Variants in VWA3A observed in about 807,000 individuals in gnomAD.
VWA3A encodes the protein von Willebrand factor A domain-containing protein 3A.
Under a neutral mutation model 160.4 loss-of-function variants are expected in VWA3A, and 134 were observed. That is an observed-to-expected ratio of 0.84 (90% CI 0.73 to 0.96). VWA3A has a LOEUF of 0.96. VWA3A is among the 40% of genes least tolerant of loss of function. The probability of loss-of-function intolerance (pLI) is 0.00; values close to 1 mark genes in which losing one functional copy is unlikely to be tolerated. For missense variants in VWA3A, 1,310 were observed against 1,447.9 expected (o/e 0.90, Z 1.55); for synonymous variants, 476 against 543.4 (o/e 0.88, Z 1.72).
At chr16:22,129,670 T>C (rs2045915105) in intron 17 of VWA3A, among the ~76,000 whole-genome samples, 1 of 152,070 alleles carries the variant, frequency 6.6e-6, no homozygotes, top group African/African-American at 2.4e-5. Flanking sequence ...ATTTTGATTC[T>C]ATGAATGAAA....
intron 21 of VWA3A, 60 bp downstream of exon 21, chr16:22,134,498 C>T (rs1392566031): frequency 7.1e-7 from 1 of 1,401,850 alleles, no homozygotes; most frequent in Non-Finnish European, 9.7e-7. Context: ...CCTGGGGCTA[C>T]CATAACTGCC....
chr16:22,152,530 A>G lies in VWA3A; in HGVS notation c.3301A>G (p.Arg1101Gly), dbSNP rs1454703444. ...TTCCAGAGCGGCGGTTGAGTTCCTG[A>G]GAAAGCTGGCTTCCTTCACCGGCGG... ...CSDRAAVEFL[R>G]KLASFTGGRY... Residue 1101 changes from arginine (R) to glycine (G), a missense_variant, in exon 31 of 34, where the codon AGA (arginine) becomes GGA (glycine). By Grantham distance (125) the Arg-to-Gly change is moderately radical (BLOSUM62 -2). Coordinates refer to ENST00000389398, the MANE Select transcript of VWA3A (RefSeq NM_173615.5). 1.2e-6 allele frequency: 2 copies of G among 1,612,602 alleles called. No individual in the cohort carries two copies. The highest frequency in any genetic ancestry group is 8.5e-7 in the Non-Finnish European group (1 of 1,179,234).
chr16:22,151,647 G>A (rs2046350188), intron 30 of VWA3A, among the ~76,000 whole-genome samples: 2 of 152,084 alleles, frequency 1.3e-5, no homozygotes, highest in Admixed American at 6.6e-5. Flanking sequence ...TGAGGTGGGA[G>A]GATCACTTGA....
At chr16:22,154,257 A>G (rs1457091085) in intron 31 of VWA3A, among the ~76,000 whole-genome samples, 2 of 151,324 alleles carry the variant, frequency 1.3e-5, no homozygotes, top group African/African-American at 4.9e-5. Flanking sequence ...TTGTTTTTGC[A>G]TGCAGAATGG....
At chr16:22,155,688 C>T (rs199912918) in intron 32 of VWA3A, 24 bp downstream of exon 32, 32 of 1,611,030 alleles carry the variant, frequency 2.0e-5, no homozygotes, top group Middle Eastern at 1.7e-4. Context: ...GCAGCCTCTC[C>T]GGCCTGCCAT....
At chr16:22,118,480 T>C (rs2141901485) in intron 11 of VWA3A, among the ~76,000 whole-genome samples, 1 of 152,046 alleles carries the variant, frequency 6.6e-6, no homozygotes, top group South Asian at 2.1e-4. Flanking sequence ...GGTCAGGAGA[T>C]TGAGACCATC....
chr16:22,141,292 C>T (rs2046145111), intron 23 of VWA3A: 2 of 574,074 alleles, frequency 3.5e-6, no homozygotes, highest in African/African-American at 1.8e-5. Flanking sequence ...TCCCACTTAC[C>T]TTATCTGTAA....
At chr16:22,115,999 G>C (rs933738119) in intron 9 of VWA3A, among the ~76,000 whole-genome samples, 1 of 149,000 alleles carries the variant, frequency 6.7e-6, no homozygotes, top group Non-Finnish European at 1.5e-5. Flanking sequence ...AGGAGAGAGA[G>C]AGAGAGATAA....
At chr16:22,122,656 T>C (rs1171861607) in intron 14 of VWA3A, among the ~76,000 whole-genome samples, 1 of 152,090 alleles carries the variant, frequency 6.6e-6, no homozygotes, top group African/African-American at 2.4e-5. Flanking sequence ...GATGAACAAG[T>C]TGGATTTTCA....
At chr16:22,151,767 CAA>C (rs546639535) in intron 30 of VWA3A, among the ~76,000 whole-genome samples, 1 of 138,442 alleles carries the variant, frequency 7.2e-6, no homozygotes, top group Admixed American at 7.2e-5. Context: ...TCAGCTCCTT[CAA>C]AAAAAAAAAA....
intron 21 of VWA3A, among the ~76,000 whole-genome samples, chr16:22,135,239 G>A (rs2046019249): frequency 6.6e-6 from 1 of 152,106 alleles, no homozygotes; most frequent in East Asian, 1.9e-4. Flanking sequence ...GCCGGCTAAA[G>A]TTCGGTCAAG....
chr16:22,150,980 T>A, intron 30 of VWA3A, 134 bp downstream of exon 30: 2 of 1,162,876 alleles, frequency 1.7e-6, no homozygotes, highest in South Asian at 1.8e-5. Flanking sequence ...ATCCTGTAAA[T>A]CAGAAATTAG....
intron 16 of VWA3A, among the ~76,000 whole-genome samples, chr16:22,124,126 G>T (rs1331494365): frequency 1.3e-5 from 2 of 148,612 alleles, no homozygotes; most frequent in Non-Finnish European, 3.0e-5. Context: ...GGCTGCAGTG[G>T]GCTATGATCG....
In VWA3A at chr16:22,092,657, G is replaced by T; in HGVS notation, c.14+6G>T. 1.3e-6 allele frequency: 2 copies of T among 1,550,930 alleles called. No individual in the cohort carries two copies. Among genetic ancestry groups the T allele is most frequent in the South Asian group, 2.4e-5 (2 of 84,008 alleles). ...AAATAAATGAAGAAATACAGGTGAG[G>T]GTGAGCATCACAAGGGTTGACAGGG... On this transcript the variant is annotated splice_donor_region_variant and intron_variant, in intron 1 of 33. Coordinates refer to ENST00000389398, the MANE Select transcript of VWA3A (RefSeq NM_173615.5).
chr16:22,100,427 C>A lies in VWA3A; in HGVS notation c.362C>A (p.Thr121Asn). 6.4e-7 allele frequency: 1 copy of A among 1,551,610 alleles called. No homozygotes were observed. The highest frequency in any genetic ancestry group is 8.7e-7 in the Non-Finnish European group (1 of 1,147,008). Residue 121 changes from threonine (T) to asparagine (N), a missense_variant, in exon 5 of 34, where the codon ACC (threonine) becomes AAC (asparagine). Thr to Asn is a moderately conservative substitution (Grantham distance 65). Transcript: ENST00000389398. The stretch of plus-strand genomic sequence containing the variant: ...CTTTGCTTCTTCAGGGAGGAGGGCA[C>A]CAATGTCGTGCAGAAAATATGTTTC... ...SQGTEVLEEG[T>N]NVVQKICFST...
intron 27 of VWA3A, 125 bp from the exon 28 acceptor site, chr16:22,148,037 A>G (rs1366681800): frequency 8.0e-6 from 10 of 1,248,338 alleles, no homozygotes; most frequent in Non-Finnish European, 1.1e-5. Flanking sequence ...GTGACATCCA[A>G]TCAATGATCA....
intron 26 of VWA3A, 81 bp from the exon 27 acceptor site, chr16:22,146,155 A>C (rs2046245727): frequency 8.7e-7 from 1 of 1,153,992 alleles, no homozygotes; most frequent in South Asian, 1.4e-5. Flanking sequence ...ACCACAATGG[A>C]ATAAACAATT....
At chr16:22,102,162 G>A (rs1361997604) in intron 5 of VWA3A, among the ~76,000 whole-genome samples, 7 of 152,060 alleles carry the variant, frequency 4.6e-5, no homozygotes, top group Non-Finnish European at 1.0e-4. Context: ...ACCAGCCTGG[G>A]AAAAATGATG....
chr16:22,111,872 C>T lies in VWA3A; in HGVS notation c.689+878C>T, dbSNP rs545151007. Among the ~76,000 whole-genome samples the T allele has an allele frequency of 2.2e-4, 33 of 152,280 alleles. 1 individual carries two copies. The South Asian group carries it at 3.1e-3, about 14-fold the overall frequency. On this transcript the variant is annotated intron_variant, in intron 8 of 33. Transcript: ENST00000389398. ...CCTCAAGTGCTCTTCCAGTCTTGGC[C>T]TCCCAAAGTGCTGGGACTACGGGTA...
Sources: gnomAD v4.1 joint callset for allele counts (sites outside exome capture counted in the v4.1 genomes callset) on GRCh38, gnomAD v4.1.1 for gene constraint, MANE v1.5 for transcripts, NCBI Gene and HGNC (gene_info 2026-07-23, HGNC 2026-07-21) for gene names.